ELAVL4: variants seen among roughly 807,000 people sequenced by gnomAD.
ELAVL4 encodes the protein ELAV-like protein 4.
A neutral mutation model predicts 35.6 loss-of-function variants in ELAVL4; 1 was observed. The observed-to-expected ratio is 0.03, with a 90% CI of 0.01 to 0.13. The LOEUF is 0.13. Among genes scored for constraint, ELAVL4 ranks in the 10% least tolerant of loss-of-function variants. ELAVL4 has a pLI of 1.00. For missense variants in ELAVL4, 267 were observed against 464.9 expected (o/e 0.57, Z 3.91); for synonymous variants, 156 against 171.0 (o/e 0.91, Z 0.69).
At chr1:50,077,546 A>T (rs1387313349) in intron 1 of ELAVL4, among the ~76,000 whole-genome samples, 1 of 152,204 alleles carries the variant, frequency 6.6e-6, no homozygotes, top group African/African-American at 2.4e-5. Flanking sequence ...TATTCAGTCT[A>T]CTGAGCCAAA....
At chr1:50,054,408 C>T (rs1422074890) in intron 1 of ELAVL4, among the ~76,000 whole-genome samples, 2 of 152,096 alleles carry the variant, frequency 1.3e-5, no homozygotes, top group Non-Finnish European at 2.9e-5. Context: ...ATTAATTTTT[C>T]ACTTATTTAA....
intron 3 of ELAVL4, among the ~76,000 whole-genome samples, chr1:50,182,530 C>G (rs568325120): frequency 5.3e-5 from 8 of 152,272 alleles, no homozygotes; most frequent in Admixed American, 2.0e-4. Flanking sequence ...GCAGAGGTTT[C>G]TGTTTGATAT....
intron 1 of ELAVL4, among the ~76,000 whole-genome samples, chr1:50,124,935 T>A (rs948856141): frequency 2.6e-5 from 4 of 152,144 alleles, no homozygotes; most frequent in African/African-American, 9.6e-5. Context: ...TATCATACAA[T>A]ATTAATTTGT....
chr1:50,186,104 C>T (rs905907130), intron 3 of ELAVL4, among the ~76,000 whole-genome samples: 2 of 152,166 alleles, frequency 1.3e-5, no homozygotes, highest in East Asian at 1.9e-4. Context: ...AATCTATCGT[C>T]ACATCTTTTC....
chr1:50,128,283 G>A (rs1215160794), intron 1 of ELAVL4, among the ~76,000 whole-genome samples: 2 of 152,118 alleles, frequency 1.3e-5, no homozygotes, highest in African/African-American at 4.8e-5. Context: ...CAACAATGAT[G>A]AGGGCAATAT....
At chr1:50,161,076 G>A (rs1040098108) in intron 2 of ELAVL4, among the ~76,000 whole-genome samples, 2 of 152,038 alleles carry the variant, frequency 1.3e-5, no homozygotes, top group Admixed American at 6.5e-5. Context: ...CTAAACCCTC[G>A]TGGTTAACAT....
At chr1:50,056,497 A>G (rs542223407) in intron 1 of ELAVL4, among the ~76,000 whole-genome samples, 3 of 152,220 alleles carry the variant, frequency 2.0e-5, no homozygotes, top group Non-Finnish European at 4.4e-5. Context: ...TTGTGGTAAT[A>G]GTGGTGTAAA....
intron 1 of ELAVL4, chr1:50,115,121 G>C (rs1667731357): frequency 6.6e-6 from 1 of 151,734 alleles, no homozygotes; most frequent in African/African-American, 2.4e-5. Context: ...CCCCACCCTT[G>C]AGACTGTCTT....
Position 50,200,986 on chromosome 1 carries a change from T to C in ELAVL4, c.909T>C (p.Phe303=). 1 of 1,614,106 alleles carries C rather than the reference T, an allele frequency of 6.2e-7. No homozygotes were observed. The highest frequency in any genetic ancestry group is 8.5e-7 in the Non-Finnish European group (1 of 1,180,002). Residue 303 remains phenylalanine (F), a synonymous_variant, in exon 7 of 7, where the codon TTT becomes TTC. Coordinates refer to ENST00000371824, the MANE Select transcript of ELAVL4 (RefSeq NM_001144774.3). ...DSDESVLWQL[F]GPFGAVNNVK... Reference sequence around the variant, plus strand: ...ATGAGAGTGTCCTCTGGCAGCTCTTTGGCCCCTTTGGAGCAGTGAACAACG... The same window carrying C: ...ATGAGAGTGTCCTCTGGCAGCTCTTCGGCCCCTTTGGAGCAGTGAACAACG...
At chr1:50,132,696 C>T (rs4307603) in intron 1 of ELAVL4, among the ~76,000 whole-genome samples, 45,095 of 152,024 alleles carry the variant, frequency 0.3, 6,871 homozygotes, top group African/African-American at 0.37. Flanking sequence ...AGGAGAGATC[C>T]TACAGGATAG....
At chr1:50,147,525 T>C (rs988973974) in intron 2 of ELAVL4, among the ~76,000 whole-genome samples, 8 of 152,096 alleles carry the variant, frequency 5.3e-5, no homozygotes, top group African/African-American at 1.9e-4. Flanking sequence ...GGAATTGCTC[T>C]AGCGGAGGAC....
chr1:50,173,889 A>AGATACC (rs539749108), intron 2 of ELAVL4, among the ~76,000 whole-genome samples: 93 of 152,350 alleles, frequency 6.1e-4, no homozygotes, highest in African/African-American at 2.1e-3. Context: ...ATACAGATAC[A>AGATACC]GATACACTAG....
chr1:50,144,553 G>T, intron 1 of ELAVL4: 1 of 482,390 alleles, frequency 2.1e-6, no homozygotes, highest in Non-Finnish European at 4.1e-6. Flanking sequence ...TCTTGTGAGT[G>T]TAGTCCTCTA....
chr1:50,138,626 T>C (rs764175221), intron 1 of ELAVL4, among the ~76,000 whole-genome samples: 12 of 152,048 alleles, frequency 7.9e-5, no homozygotes, highest in Non-Finnish European at 1.6e-4. Flanking sequence ...CCATCATGCC[T>C]GGCAAATTTT....
intron 1 of ELAVL4, among the ~76,000 whole-genome samples, chr1:50,087,103 A>T (rs1309328642): frequency 6.6e-6 from 1 of 152,184 alleles, no homozygotes; most frequent in Non-Finnish European, 1.5e-5. Flanking sequence ...AAGGATATCT[A>T]CTTCATCATT....
intron 2 of ELAVL4, among the ~76,000 whole-genome samples, chr1:50,165,063 G>T (rs1419550108): frequency 2.0e-5 from 3 of 152,174 alleles, no homozygotes; most frequent in African/African-American, 7.2e-5. Flanking sequence ...GCAAGACTGA[G>T]GGGAGGGGGC....
chr1:50,050,130 A>G (rs2148466937), intron 1 of ELAVL4, among the ~76,000 whole-genome samples: 1 of 152,360 alleles, frequency 6.6e-6, no homozygotes, highest in Middle Eastern at 3.4e-3. Context: ...CCTTCCTGCC[A>G]CTTTTTTCGC....
intron 2 of ELAVL4, among the ~76,000 whole-genome samples, chr1:50,162,223 CTG>C (rs1228099302): frequency 6.6e-6 from 1 of 152,160 alleles, no homozygotes; most frequent in Non-Finnish European, 1.5e-5. Context: ...AAAATGATAA[CTG>C]TTTTTGTTAC....
chr1:50,068,388 G>A (rs535616243), intron 1 of ELAVL4, among the ~76,000 whole-genome samples: 57 of 152,282 alleles, frequency 3.7e-4, no homozygotes, highest in African/African-American at 1.3e-3. Context: ...GGATTTTCAA[G>A]AGGTAGAAGA....
Sources: allele counts gnomAD v4.1 joint callset (sites outside exome capture counted in the v4.1 genomes callset), GRCh38; gene constraint gnomAD v4.1.1; transcripts MANE v1.5; gene names NCBI Gene and HGNC (gene_info 2026-07-23, HGNC 2026-07-21).